ABHD3: variants seen among roughly 807,000 people sequenced by gnomAD.
ABHD3 encodes the protein abhydrolase domain containing 3, phospholipase.
A neutral mutation model predicts 48.8 loss-of-function variants in ABHD3; 46 were observed. The observed-to-expected ratio is 0.94, with a 90% confidence interval of 0.74 to 1.20. The LOEUF (loss-of-function observed/expected upper bound fraction) is 1.20. Ranked by LOEUF, ABHD3 falls within the 50% of genes most tolerant of loss-of-function variation. ABHD3 has a pLI of 0.00. For synonymous variants in ABHD3, 192 were observed against 183.7 expected, an observed-to-expected ratio of 1.04 and a Z score of -0.36; for missense variants, 490 against 497.8, an observed-to-expected ratio of 0.98 and a Z score of 0.15.
intron 3 of ABHD3, among the ~76,000 whole-genome samples, chr18:21,690,219 C>T (rs1161604753): frequency 3.3e-5 from 5 of 151,666 alleles, no homozygotes; most frequent in Admixed American, 3.3e-4. Flanking sequence ...ACTGGATTTG[C>T]AAATTGCAGC....
rs34425997 is a variant in ABHD3 at position 21,690,996 on chromosome 18, C to CAAA, written c.510-7034_510-7032dup. 2.1e-3 allele frequency among the ~76,000 whole-genome samples: 133 copies of CAAA among 63,006 alleles called. 1 individual carries two copies. Among genetic ancestry groups the CAAA allele is most frequent in the African/African-American group, 6.0e-3 (98 of 16,390 alleles). The allele number at this position is 63,006 out of a possible 152,430, so 41.3% of individuals were successfully genotyped here. Reference sequence around the variant, plus strand: ...GGTCGACAACAGTGAGACTCTGTCTCAAAAAAAAAAAAAAAAAAAAAAGAG... The same window carrying CAAA: ...GGTCGACAACAGTGAGACTCTGTCTCAAAAAAAAAAAAAAAAAAAAAAAAAGAG... On this transcript the variant is annotated intron_variant, in intron 3 of 8. Coordinates refer to ENST00000289119, the MANE Select transcript of ABHD3 (RefSeq NM_138340.5).
intron 3 of ABHD3, among the ~76,000 whole-genome samples, chr18:21,693,813 A>G (rs185883143): frequency 6.6e-6 from 1 of 152,332 alleles, no homozygotes; most frequent in East Asian, 1.9e-4. Flanking sequence ...TGAGAAAAAA[A>G]TATTCTGGTG....
At chr18:21,664,472 G>A (rs2039575783) in intron 4 of ABHD3, 1 of 425,056 alleles carries the variant, frequency 2.4e-6, no homozygotes, top group Admixed American at 4.1e-5. Flanking sequence ...AAGGCTTGAT[G>A]CAGATGGGGC....
At chr18:21,690,550 C>A (rs11877119) in intron 3 of ABHD3, among the ~76,000 whole-genome samples, 2 of 151,994 alleles carry the variant, frequency 1.3e-5, no homozygotes, top group Non-Finnish European at 2.9e-5. Flanking sequence ...TGCAGTGAGT[C>A]GAGATCATGC....
intron 3 of ABHD3, among the ~76,000 whole-genome samples, chr18:21,695,066 C>G (rs1286569924): frequency 6.6e-6 from 1 of 151,992 alleles, no homozygotes; most frequent in South Asian, 2.1e-4. Context: ...GAGTCTCGCT[C>G]TTGTCATCCA....
At chr18:21,689,535 G>A (rs1001499854) in intron 3 of ABHD3, among the ~76,000 whole-genome samples, 22 of 93,450 alleles carry the variant, frequency 2.4e-4, no homozygotes, top group African/African-American at 1.1e-3. Flanking sequence ...GGCAACAAGG[G>A]TGAAATCTGG....
intron 3 of ABHD3, among the ~76,000 whole-genome samples, chr18:21,690,070 C>A (rs2040212772): frequency 7.0e-6 from 1 of 143,796 alleles, no homozygotes; most frequent in African/African-American, 2.5e-5. Context: ...ACAGTAGCTA[C>A]TATAACTCAA....
rs75253676 is a variant in ABHD3, at chr18:21,661,175, T to A, written c.669-1832A>T. Among the ~76,000 whole-genome samples the A allele has an allele frequency of 2.5e-4, 36 of 145,040 alleles. 2 individuals carry two copies. The East Asian group carries it at 7.2e-3, about 29-fold the overall frequency. On this transcript the variant is annotated intron_variant, in intron 5 of 8. Coordinates refer to ENST00000289119, the MANE Select transcript of ABHD3 (RefSeq NM_138340.5). ...GACTTAAAAAGCATACCAATCTCAA[T>A]GTATAGACTTTTCCTGGCTTCTAAC...
chr18:21,694,095 ATTT>A (rs66921186), intron 3 of ABHD3, among the ~76,000 whole-genome samples: 3 of 151,802 alleles, frequency 2.0e-5, no homozygotes, highest in African/African-American at 7.3e-5. Context: ...TCAGGATCAC[ATTT>A]TTTTTTAAAA....
rs539457141 is a variant in ABHD3 at position 21,678,244 on chromosome 18, T to C, written c.555+5676A>G. 1.4e-4 allele frequency among the ~76,000 whole-genome samples: 22 copies of C among 152,334 alleles called. No individual in the cohort carries two copies. The South Asian group carries it at 3.9e-3, about 27-fold the overall frequency. On this transcript the variant is annotated intron_variant, in intron 4 of 8. Coordinates refer to ENST00000289119, the MANE Select transcript of ABHD3 (RefSeq NM_138340.5). ...TGCTGGGATTACAGGTATGAGCTAC[T>C]GTGCCTGGCTCATGTATAAGTTATT...
At chr18:21,659,050 A>G in intron 6 of ABHD3, 120 bp downstream of exon 6, 1 of 1,006,828 alleles carries the variant, frequency 9.9e-7, no homozygotes, top group Non-Finnish European at 1.4e-6. Context: ...CATGTTGGCC[A>G]GGATGGTCTC....
chr18:21,673,597 T>A (rs2039806286), intron 4 of ABHD3: 1 of 149,312 alleles, frequency 6.7e-6, no homozygotes, highest in Non-Finnish European at 1.5e-5. Flanking sequence ...CCCAGCTGTT[T>A]TTTGTTTTGT....
rs949887797 is a variant in ABHD3 at position 21,668,640 on chromosome 18, A to G, written c.556-4410T>C. Among the ~76,000 whole-genome samples the G allele has an allele frequency of 9.2e-5, 14 of 152,182 alleles. 1 individual carries two copies. The highest frequency in any genetic ancestry group is 2.1e-4 in the Non-Finnish European group (14 of 68,030). ...GCAGAGCCTGCGTTATATGTTTGTAATAAGAACCTAATTCTTGTAAAGCAC... is the reference window on the plus strand; with the variant it reads ...GCAGAGCCTGCGTTATATGTTTGTAGTAAGAACCTAATTCTTGTAAAGCAC... On this transcript the variant is annotated intron_variant, in intron 4 of 8. Transcript: ENST00000289119.
intron 8 of ABHD3, among the ~76,000 whole-genome samples, chr18:21,656,384 GT>G (rs2039350427): frequency 6.6e-6 from 1 of 152,048 alleles, no homozygotes; most frequent in African/African-American, 2.4e-5. Context: ...AGGAAAGGAT[GT>G]TTCTCTTTAA....
At position 21,684,477 on chromosome 18, in the gene ABHD3, C is replaced by T. The variant is rs531330264; in HGVS notation, c.510-512G>A. Among the ~76,000 whole-genome samples the T allele has an allele frequency of 3.3e-5, 5 of 151,766 alleles. No individual in the cohort carries two copies. The South Asian group carries it at 6.2e-4, about 19-fold the overall frequency. ...GGGATTACAAGCACCCACCACCATG[C>T]GCGGCTAATTTTTTTTTGTATTTTT... On this transcript the variant is annotated intron_variant, in intron 3 of 8. Coordinates refer to ENST00000289119, the MANE Select transcript of ABHD3 (RefSeq NM_138340.5).
chr18:21,686,065 A>G (rs951225209), intron 3 of ABHD3, among the ~76,000 whole-genome samples: 3 of 152,324 alleles, frequency 2.0e-5, no homozygotes, highest in Non-Finnish European at 4.4e-5. Flanking sequence ...GTTGGTCTCT[A>G]ACTCCTGGGC....
At chr18:21,677,217 CAG>C (rs778278757) in intron 4 of ABHD3, among the ~76,000 whole-genome samples, 3 of 151,706 alleles carry the variant, frequency 2.0e-5, no homozygotes, top group Admixed American at 6.6e-5. Context: ...TTTTTTGAGA[CAG>C]AGTCTCGCTC....
chr18:21,692,612 G>A (rs2040277463), intron 3 of ABHD3, among the ~76,000 whole-genome samples: 2 of 152,200 alleles, frequency 1.3e-5, no homozygotes, highest in Non-Finnish European at 2.9e-5. Flanking sequence ...AGGGAAAAGA[G>A]TCAAAGGTGT....
chr18:21,664,078 C>T (rs2039565231), intron 5 of ABHD3, 40 bp downstream of exon 5: 1 of 1,578,336 alleles, frequency 6.3e-7, no homozygotes, highest in African/African-American at 1.4e-5. Flanking sequence ...AATAAAATAG[C>T]TTCCCTCTCA....
Sources: allele counts gnomAD v4.1 joint callset (sites outside exome capture counted in the v4.1 genomes callset), GRCh38; gene constraint gnomAD v4.1.1; transcripts MANE v1.5; gene names NCBI Gene and HGNC (gene_info 2026-07-23, HGNC 2026-07-21).